Variants in SMAD3 observed in about 807,000 individuals in gnomAD.
SMAD3 encodes SMAD family member 3.
Under a neutral mutation model 51.8 loss-of-function variants are expected in SMAD3, and 12 were observed. The observed-to-expected ratio is 0.23, with a 90% CI of 0.15 to 0.38. SMAD3 has a LOEUF of 0.38. Among genes scored for constraint, SMAD3 ranks in the 10% least tolerant of loss-of-function variants. SMAD3 has a pLI of 1.00. For missense variants in SMAD3, 294 were observed against 565.6 expected, an observed-to-expected ratio of 0.52 and a Z score of 4.87; for synonymous variants, 238 against 227.7, an observed-to-expected ratio of 1.05 and a Z score of -0.41.
intron 1 of SMAD3, among the ~76,000 whole-genome samples, chr15:67,093,599 G>A (rs913121707): frequency 6.6e-6 from 1 of 152,236 alleles, no homozygotes; most frequent in African/African-American, 2.4e-5. Context: ...TCATTTAAGA[G>A]GAAGGATGTG....
intron 7 of SMAD3, 68 bp downstream of exon 7, chr15:67,184,932 A>AGAGT (rs1963183323): frequency 6.3e-7 from 1 of 1,589,966 alleles, no homozygotes; most frequent in Non-Finnish European, 8.6e-7. Context: ...GATGCTGGAG[A>AGAGT]GAGTCCACCT....
rs3985646 is a variant in SMAD3, at chr15:67,113,094, A to ATATATATTTTTT, written c.206+46735_206+46736insATATATTTTTTT. ...TATATGTGTATATATATATATATAT[A>ATATATATTTTTT]TTTTTTTGAGACAGAGTCTTGCTCT... On this transcript the variant is annotated intron_variant, in intron 1 of 8. Coordinates refer to ENST00000327367, the MANE Select transcript of SMAD3 (RefSeq NM_005902.4). 1.8e-5 allele frequency among the ~76,000 whole-genome samples: 2 copies of ATATATATTTTTT among 112,564 alleles called. 1 individual carries two copies. The highest frequency in any genetic ancestry group is 7.1e-5 in the African/African-American group (2 of 28,070). 73.8% of individuals were successfully genotyped at this position (112,564 alleles called of 152,430 possible). A position where few individuals can be genotyped will look rare whatever the true frequency, so the allele number is the denominator to read the frequency against.
chr15:67,102,868 C>T (rs1324205935), intron 1 of SMAD3, among the ~76,000 whole-genome samples: 1 of 152,216 alleles, frequency 6.6e-6, no homozygotes, highest in Non-Finnish European at 1.5e-5. Context: ...CATAGCTCCT[C>T]TTCAATGTGC....
intron 1 of SMAD3, among the ~76,000 whole-genome samples, chr15:67,113,096 T>A (rs5007847): frequency 0.22 from 19,019 of 86,782 alleles, 4,709 homozygotes; most frequent in East Asian, 0.58. Context: ...ATATATATAT[T>A]TTTTTGAGAC....
At chr15:67,112,009 A>G (rs1194454967) in intron 1 of SMAD3, among the ~76,000 whole-genome samples, 3 of 151,696 alleles carry the variant, frequency 2.0e-5, no homozygotes, top group African/African-American at 7.3e-5. Context: ...GTTGGTCTTG[A>G]ACTCCTGACC....
chr15:67,190,179 C>CT (rs1203870391), intron 8 of SMAD3, among the ~76,000 whole-genome samples: 2 of 152,148 alleles, frequency 1.3e-5, no homozygotes. Context: ...ATGTTTAACT[C>CT]TTTAAAGTCG....
intron 1 of SMAD3, among the ~76,000 whole-genome samples, chr15:67,148,863 A>G (rs1962048682): frequency 6.6e-6 from 1 of 152,224 alleles, no homozygotes; most frequent in Non-Finnish European, 1.5e-5. Flanking sequence ...TTTTCTGAGC[A>G]AATGTGACCT....
intron 1 of SMAD3, among the ~76,000 whole-genome samples, chr15:67,144,680 A>G (rs912387608): frequency 3.3e-5 from 5 of 152,062 alleles, no homozygotes; most frequent in African/African-American, 1.2e-4. Flanking sequence ...CATATCCTAC[A>G]TGTGATAGAG....
intron 1 of SMAD3, among the ~76,000 whole-genome samples, chr15:67,087,675 A>G (rs2140210921): frequency 6.6e-6 from 1 of 152,346 alleles, no homozygotes; most frequent in Non-Finnish European, 1.5e-5. Context: ...CATGGTCACT[A>G]GCTGAGTGTA....
chr15:67,122,339 C>G (rs994557096), intron 1 of SMAD3, among the ~76,000 whole-genome samples: 5 of 152,178 alleles, frequency 3.3e-5, no homozygotes, highest in African/African-American at 9.7e-5. Flanking sequence ...TTGCTGTTCC[C>G]CCCAGACCCT....
At chr15:67,116,766 T>A (rs1461484061) in intron 1 of SMAD3, among the ~76,000 whole-genome samples, 1 of 152,116 alleles carries the variant, frequency 6.6e-6, no homozygotes, top group African/African-American at 2.4e-5. Context: ...CCCTTGGTGA[T>A]GGGGGTATCT....
At chr15:67,160,876 G>A (rs1007292295) in intron 1 of SMAD3, among the ~76,000 whole-genome samples, 5 of 146,394 alleles carry the variant, frequency 3.4e-5, no homozygotes, top group East Asian at 2.0e-4. Context: ...TCAAATATAC[G>A]CTTTGCAAAT....
chr15:67,184,978 C>G, intron 7 of SMAD3, 114 bp downstream of exon 7: 1 of 1,360,782 alleles, frequency 7.3e-7, no homozygotes, highest in Non-Finnish European at 1.0e-6. Context: ...ATTGCGTTGT[C>G]AATCTGGAGG....
At chr15:67,115,817 G>A (rs1243556540) in intron 1 of SMAD3, among the ~76,000 whole-genome samples, 2 of 152,242 alleles carry the variant, frequency 1.3e-5, no homozygotes, top group East Asian at 3.8e-4. Flanking sequence ...GCAAATGCTA[G>A]GAGTCATGCA....
intron 1 of SMAD3, among the ~76,000 whole-genome samples, chr15:67,162,577 C>CT (rs1362691428): frequency 1.3e-5 from 2 of 152,174 alleles, no homozygotes; most frequent in African/African-American, 4.8e-5. Flanking sequence ...CAGGAGAAGC[C>CT]TTTATCATGG....
intron 1 of SMAD3, among the ~76,000 whole-genome samples, chr15:67,161,625 A>G (rs1192223864): frequency 2.0e-5 from 3 of 152,106 alleles, no homozygotes; most frequent in Non-Finnish European, 2.9e-5. Flanking sequence ...ATAATTCTCT[A>G]TTCCCACTCA....
At chr15:67,122,267 A>T (rs534064256) in intron 1 of SMAD3, among the ~76,000 whole-genome samples, 3 of 152,304 alleles carry the variant, frequency 2.0e-5, no homozygotes, top group Non-Finnish European at 2.9e-5. Context: ...GAAAAGAGAA[A>T]TTGATCTGTA....
chr15:67,100,032 T>G (rs1213403381), intron 1 of SMAD3, among the ~76,000 whole-genome samples: 1 of 151,864 alleles, frequency 6.6e-6, no homozygotes, highest in African/African-American at 2.4e-5. Flanking sequence ...AAATACAAAA[T>G]TAGCCGGGCA....
At chr15:67,148,364 A>T (rs1328354611) in intron 1 of SMAD3, among the ~76,000 whole-genome samples, 1 of 152,230 alleles carries the variant, frequency 6.6e-6, no homozygotes, top group Non-Finnish European at 1.5e-5. Flanking sequence ...TGTGGGCCAT[A>T]TATCTGTGTG....
Sources: allele counts gnomAD v4.1 joint callset (sites outside exome capture counted in the v4.1 genomes callset), GRCh38; gene constraint gnomAD v4.1.1; transcripts MANE v1.5; gene names NCBI Gene and HGNC (gene_info 2026-07-23, HGNC 2026-07-21).